Variants in PCDH11X observed in about 807,000 individuals in gnomAD.
PCDH11X encodes protocadherin 11 X-linked.
PCDH11X carries 18 observed loss-of-function variants against 53.3 expected under a neutral mutation model. The observed-to-expected ratio is 0.34, with a 90% confidence interval of 0.23 to 0.50. The LOEUF (loss-of-function observed/expected upper bound fraction) is 0.50. PCDH11X is among the 20% of genes least tolerant of loss of function. PCDH11X has a pLI of 0.98. For synonymous variants in PCDH11X, 279 were observed against 393.3 expected, an observed-to-expected ratio of 0.71 and a Z score of 3.44; for missense variants, 570 against 1,032.4, an observed-to-expected ratio of 0.55 and a Z score of 6.14.
intron 6 of PCDH11X, among the ~76,000 whole-genome samples, chrX:92,125,472 G>A (rs1350216698): frequency 9.1e-6 from 1 of 110,366 alleles, no homozygotes; most frequent in Non-Finnish European, 1.9e-5. Flanking sequence ...CTGTCTCATT[G>A]CTTCATAGGT....
At chrX:92,180,864 T>TG (rs2065985498) in intron 6 of PCDH11X, among the ~76,000 whole-genome samples, 1 of 110,591 alleles carries the variant, frequency 9.0e-6, no homozygotes. Flanking sequence ...ATTAAAACTT[T>TG]TTTTTTTTTT....
chrX:92,597,499 CTA>C (rs2148803802), intron 10 of PCDH11X, among the ~76,000 whole-genome samples: 1 of 111,129 alleles, frequency 9.0e-6, no homozygotes, highest in African/African-American at 3.3e-5. Context: ...TAATAAAAAA[CTA>C]TAAAACACTG....
At chrX:92,087,464 A>G (rs1285553893) in intron 6 of PCDH11X, among the ~76,000 whole-genome samples, 1 of 110,645 alleles carries the variant, frequency 9.0e-6, no homozygotes, top group Non-Finnish European at 1.9e-5. Flanking sequence ...CTCAAGGAAC[A>G]CAAAAAGGTC....
At chrX:92,333,279 A>C (rs973285775) in intron 8 of PCDH11X, among the ~76,000 whole-genome samples, 3 of 110,640 alleles carry the variant, frequency 2.7e-5, no homozygotes, top group Non-Finnish European at 5.7e-5. Flanking sequence ...TTTGAATTAC[A>C]GGAGATTTAA....
intron 8 of PCDH11X, among the ~76,000 whole-genome samples, chrX:92,274,830 A>G (rs977964259): frequency 4.5e-5 from 5 of 109,983 alleles, no homozygotes; most frequent in African/African-American, 1.7e-4. Context: ...TCAATAAATC[A>G]AGCATGATCA....
chrX:91,846,535 G>A (rs1325282781), intron 5 of PCDH11X, among the ~76,000 whole-genome samples: 3 of 108,529 alleles, frequency 2.8e-5, no homozygotes, highest in African/African-American at 6.7e-5. Flanking sequence ...GGAGAACAGC[G>A]TGAACCCGGG....
intron 8 of PCDH11X, among the ~76,000 whole-genome samples, chrX:92,295,745 G>GTGTGTT (rs1306227023): frequency 2.0e-3 from 25 of 12,429 alleles, no homozygotes; most frequent in African/African-American, 5.8e-3. Flanking sequence ...GTGTTTGTGT[G>GTGTGTT]TGTGTGTGTG....
intron 6 of PCDH11X, among the ~76,000 whole-genome samples, chrX:92,115,958 C>T (rs1172593119): frequency 9.2e-6 from 1 of 109,116 alleles, no homozygotes; most frequent in Admixed American, 9.9e-5. Flanking sequence ...TAATATTAAC[C>T]ATCACAGATT....
chrX:92,364,914 CAA>C (rs57977407), intron 8 of PCDH11X, among the ~76,000 whole-genome samples: 17,241 of 44,263 alleles, frequency 0.39, 2,172 homozygotes, highest in South Asian at 0.63. Flanking sequence ...ACCCTTTCTA[CAA>C]AAAAAAAAAA....
chrX:92,383,061 T>A lies in PCDH11X; in HGVS notation c.3145-4674T>A, dbSNP rs1283774848. Reference sequence around the variant, plus strand: ...TTAATAATACATAAAAGTACCTAAATTTTAAATTTTAATGTCCATAAGTAC... The same window carrying A: ...TTAATAATACATAAAAGTACCTAAAATTTAAATTTTAATGTCCATAAGTAC... On this transcript the variant is annotated intron_variant, in intron 8 of 10. Coordinates refer to ENST00000682573, the MANE Select transcript of PCDH11X (RefSeq NM_032968.5). Among the ~76,000 whole-genome samples, 3 of 109,429 alleles carry A rather than the reference T, an allele frequency of 2.7e-5. No individual in the cohort carries two copies. In the East Asian group the frequency reaches 8.6e-4, roughly 31 times the overall value.
At chrX:92,230,428 A>T (rs57118117) in intron 7 of PCDH11X, among the ~76,000 whole-genome samples, 1 of 55,224 alleles carries the variant, frequency 1.8e-5, no homozygotes, top group African/African-American at 6.1e-5. Flanking sequence ...ATAATATATA[A>T]ATATATATTA....
intron 6 of PCDH11X, among the ~76,000 whole-genome samples, chrX:92,052,451 T>A (rs2063381930): frequency 1.3e-5 from 1 of 75,238 alleles, no homozygotes; most frequent in Admixed American, 1.7e-4. Flanking sequence ...GCATTATAAA[T>A]CACAGAGAAA....
intron 7 of PCDH11X, among the ~76,000 whole-genome samples, chrX:92,257,025 C>T (rs1362319689): frequency 9.0e-6 from 1 of 111,424 alleles, no homozygotes; most frequent in African/African-American, 3.3e-5. Context: ...GTTAAATTGG[C>T]TCATGGTTCT....
intron 6 of PCDH11X, among the ~76,000 whole-genome samples, chrX:91,999,136 A>G (rs1322849434): frequency 3.6e-5 from 4 of 109,893 alleles, no homozygotes; most frequent in African/African-American, 1.3e-4. Flanking sequence ...GCTGGTCTCA[A>G]ACTTCTGGGC....
At chrX:92,562,809 T>G (rs1317145445) in intron 10 of PCDH11X, among the ~76,000 whole-genome samples, 2 of 110,145 alleles carry the variant, frequency 1.8e-5, no homozygotes, top group African/African-American at 6.6e-5. Context: ...TGGCTCCATT[T>G]CCCAATAAGT....
chrX:92,000,437 T>A (rs1406157664), intron 6 of PCDH11X, among the ~76,000 whole-genome samples: 3 of 108,959 alleles, frequency 2.8e-5, no homozygotes, highest in Non-Finnish European at 5.7e-5. Context: ...TTTTAAAAAA[T>A]TATTTTTGTG....
intron 6 of PCDH11X, among the ~76,000 whole-genome samples, chrX:92,177,195 C>G (rs1300529332): frequency 9.1e-6 from 1 of 110,118 alleles, no homozygotes; most frequent in African/African-American, 3.3e-5. Context: ...ACAGGCTGGT[C>G]TTGAACTCCT....
intron 10 of PCDH11X, among the ~76,000 whole-genome samples, chrX:92,524,741 G>T (rs4020625): frequency 0.15 from 16,482 of 109,866 alleles, 897 homozygotes; most frequent in Admixed American, 0.26. Context: ...TCTGTGACTT[G>T]CCATTCCCTT....
At chrX:91,807,331 C>T (rs750773521) in intron 1 of PCDH11X, among the ~76,000 whole-genome samples, 16 of 109,607 alleles carry the variant, frequency 1.5e-4, no homozygotes, top group African/African-American at 4.0e-4. Context: ...GGTGACAAAG[C>T]GAAAACCGTG....
Sources: gnomAD v4.1 joint callset for allele counts (sites outside exome capture counted in the v4.1 genomes callset) on GRCh38, gnomAD v4.1.1 for gene constraint, MANE v1.5 for transcripts, NCBI Gene and HGNC (gene_info 2026-07-23, HGNC 2026-07-21) for gene names.